The following RNGTT variants were observed in gnomAD, a reference collection of about 807,000 sequenced individuals.
RNGTT encodes RNA guanylyltransferase and 5'-phosphatase.
A neutral mutation model predicts 79.3 loss-of-function variants in RNGTT; 33 were observed. The observed-to-expected ratio is 0.42, with a 90% CI of 0.32 to 0.56. RNGTT has a LOEUF of 0.56. Among genes scored for constraint, RNGTT ranks in the 20% least tolerant of loss-of-function variants. The pLI, the probability that RNGTT is intolerant of heterozygous loss-of-function variation, is 0.17. For synonymous variants in RNGTT, 222 were observed against 235.9 expected (o/e 0.94, Z 0.54); for missense variants, 497 against 739.1 (o/e 0.67, Z 3.80).
At chr6:88,930,159 TATATAC>T (rs1160462891) in intron 2 of RNGTT, among the ~76,000 whole-genome samples, 6 of 147,938 alleles carry the variant, frequency 4.1e-5, no homozygotes, top group East Asian at 3.9e-4. Context: ...CGTACATACA[TATATAC>T]ATATACATAT....
chr6:88,907,847 C>T lies in RNGTT; in HGVS notation c.368-1407G>A, dbSNP rs568771515. Among the ~76,000 whole-genome samples, 17 of 151,622 alleles carry T rather than the reference C, an allele frequency of 1.1e-4. No individual in the cohort carries two copies. In the South Asian group the frequency reaches 3.1e-3, roughly 28 times the overall value. On this transcript the variant is annotated intron_variant, in intron 4 of 15. Coordinates refer to ENST00000369485, the MANE Select transcript of RNGTT (RefSeq NM_003800.5). ...GACCTCCTGGGCTCAAGTGATCCTC[C>T]CACCTCAACCTCCAGAGTAGCTGGA...
intron 11 of RNGTT, among the ~76,000 whole-genome samples, chr6:88,825,786 T>C (rs1780636714): frequency 6.6e-6 from 1 of 152,230 alleles, no homozygotes; most frequent in Admixed American, 6.5e-5. Flanking sequence ...ATTATGACCA[T>C]TATTTTTAAA....
intron 1 of RNGTT, among the ~76,000 whole-genome samples, chr6:88,953,593 T>C (rs144847814): frequency 2.6e-5 from 4 of 152,170 alleles, no homozygotes; most frequent in Non-Finnish European, 4.4e-5. Flanking sequence ...GCTAGAGATC[T>C]AGACATCCAA....
intron 8 of RNGTT, among the ~76,000 whole-genome samples, chr6:88,883,850 C>T (rs1395108766): frequency 6.6e-6 from 1 of 151,838 alleles, no homozygotes; most frequent in Non-Finnish European, 1.5e-5. Flanking sequence ...CAAAAGACAA[C>T]AGAAAAGAAA....
At chr6:88,848,885 T>TGG (rs1232808182) in intron 10 of RNGTT, among the ~76,000 whole-genome samples, 1 of 151,972 alleles carries the variant, frequency 6.6e-6, no homozygotes. Context: ...AGTACATGAG[T>TGG]ATTCCTTACA....
In RNGTT at chr6:88,684,181, G is replaced by GTTTGT. The variant is rs1350782709; in HGVS notation, c.1440-5763_1440-5762insACAAA. On this transcript the variant is annotated intron_variant, in intron 13 of 15. Coordinates refer to ENST00000369485, the MANE Select transcript of RNGTT (RefSeq NM_003800.5). The stretch of plus-strand genomic sequence containing the variant: ...GAAATACAAACTGAAGTAACACTAA[G>GTTTGT]ATACTACAACACACCTATGAGAATG... Among the ~76,000 whole-genome samples, 5 of 152,234 alleles carry GTTTGT rather than the reference G, an allele frequency of 3.3e-5. No homozygotes were observed. The East Asian group carries it at 9.7e-4, about 29-fold the overall frequency.
intron 1 of RNGTT, among the ~76,000 whole-genome samples, chr6:88,946,549 A>T (rs1785015163): frequency 6.6e-6 from 1 of 152,218 alleles, no homozygotes; most frequent in Admixed American, 6.5e-5. Flanking sequence ...GTACATTGAA[A>T]GCCCAGATAT....
intron 11 of RNGTT, among the ~76,000 whole-genome samples, chr6:88,820,780 A>G (rs568975683): frequency 3.3e-5 from 5 of 152,312 alleles, no homozygotes; most frequent in African/African-American, 1.2e-4. Context: ...TAGAAAAACT[A>G]CAGAATTCCA....
At chr6:88,915,311 G>A (rs547230530) in intron 4 of RNGTT, among the ~76,000 whole-genome samples, 4 of 152,190 alleles carry the variant, frequency 2.6e-5, no homozygotes, top group African/African-American at 4.8e-5. Context: ...AAAGATACCC[G>A]CACTTGTATG....
intron 14 of RNGTT, among the ~76,000 whole-genome samples, chr6:88,662,837 G>A (rs1265843101): frequency 1.3e-5 from 2 of 152,324 alleles, no homozygotes; most frequent in African/African-American, 2.4e-5. Context: ...TCGGCGATTG[G>A]AGTCTGGACA....
chr6:88,794,304 T>G (rs1439286547), intron 12 of RNGTT, among the ~76,000 whole-genome samples: 1 of 152,204 alleles, frequency 6.6e-6, no homozygotes, highest in Non-Finnish European at 1.5e-5. Flanking sequence ...AGAAAGCCAC[T>G]GATAAGTTTT....
At chr6:88,937,850 G>GTACAC (rs1784717142) in intron 2 of RNGTT, among the ~76,000 whole-genome samples, 1 of 152,142 alleles carries the variant, frequency 6.6e-6, no homozygotes, top group Non-Finnish European at 1.5e-5. Context: ...AATTTCCAAA[G>GTACAC]TCCCTTATTA....
At chr6:88,926,255 C>T (rs1330205017) in intron 4 of RNGTT, among the ~76,000 whole-genome samples, 4 of 152,350 alleles carry the variant, frequency 2.6e-5, no homozygotes, top group African/African-American at 9.6e-5. Context: ...CCACCAGGAA[C>T]TAGTGCTATC....
intron 12 of RNGTT, among the ~76,000 whole-genome samples, chr6:88,777,872 G>A (rs569160994): frequency 2.0e-5 from 3 of 152,154 alleles, no homozygotes; most frequent in East Asian, 3.9e-4. Flanking sequence ...GCCTTGTACC[G>A]GATTTTACAG....
At chr6:88,806,610 C>G (rs186670352) in intron 11 of RNGTT, among the ~76,000 whole-genome samples, 1 of 151,962 alleles carries the variant, frequency 6.6e-6, no homozygotes, top group African/African-American at 2.4e-5. Context: ...CCACCGCACC[C>G]GGCCTGAAAA....
intron 10 of RNGTT, among the ~76,000 whole-genome samples, chr6:88,846,702 G>A (rs987524694): frequency 6.6e-6 from 1 of 151,712 alleles, no homozygotes; most frequent in Non-Finnish European, 1.5e-5. Context: ...AGAGGTTGCT[G>A]TGAGCTGAGA....
At chr6:88,674,806 T>C (rs1281448385) in intron 14 of RNGTT, among the ~76,000 whole-genome samples, 1 of 152,028 alleles carries the variant, frequency 6.6e-6, no homozygotes, top group East Asian at 1.9e-4. Context: ...AACAAATGTA[T>C]TGGCTTCTGG....
At chr6:88,887,047 T>TA (rs754717516) in intron 8 of RNGTT, among the ~76,000 whole-genome samples, 10,566 of 83,248 alleles carry the variant, frequency 0.13, 750 homozygotes, top group Middle Eastern at 0.19. Flanking sequence ...ACAATTTCTT[T>TA]AAAAAAAAAA....
At chr6:88,843,597 C>T (rs1252025220) in intron 11 of RNGTT, among the ~76,000 whole-genome samples, 3 of 113,076 alleles carry the variant, frequency 2.7e-5, no homozygotes, top group Admixed American at 1.3e-4. Context: ...CTTGCTCTGT[C>T]GCCCAGGCTG....
Sources: gnomAD v4.1 joint callset for allele counts (sites outside exome capture counted in the v4.1 genomes callset) on GRCh38, gnomAD v4.1.1 for gene constraint, MANE v1.5 for transcripts, NCBI Gene and HGNC (gene_info 2026-07-23, HGNC 2026-07-21) for gene names.